Variants in PCDH15 observed in about 807,000 individuals in gnomAD.
PCDH15 encodes the protein protocadherin-15.
Under a neutral mutation model 178.5 loss-of-function variants are expected in PCDH15, and 129 were observed. The ratio of observed to expected loss-of-function variants is 0.72; its 90% CI spans 0.63 to 0.84. The LOEUF is 0.84. PCDH15 is among the 40% of genes least tolerant of loss of function. PCDH15 has a pLI of 0.00. For synonymous variants in PCDH15, 800 were observed against 732.0 expected (o/e 1.09, Z -1.50); for missense variants, 2,230 against 2,099.9 (o/e 1.06, Z -1.21).
chr10:55,609,935 T>C (rs1024655553), intron 2 of PCDH15, among the ~76,000 whole-genome samples: 1 of 152,126 alleles, frequency 6.6e-6, no homozygotes, highest in Non-Finnish European at 1.5e-5. Context: ...ACTGTCATAA[T>C]AAGGAGCAAA....
At chr10:55,123,977 A>G (rs1470694523) in intron 2 of PCDH15, among the ~76,000 whole-genome samples, 4 of 152,126 alleles carry the variant, frequency 2.6e-5, no homozygotes, top group African/African-American at 4.8e-5. Flanking sequence ...CAGAACTGGT[A>G]ACCATAGCAG....
rs115661366 is a variant in PCDH15, at chr10:54,110,597, G to A, written c.1918-20534C>T. ...TCTAACCATTTATTTATCAAAATCC[G>A]AATGAACTACCTTTATTTTGGAGGA... On this transcript the variant is annotated intron_variant, in intron 15 of 37. Coordinates refer to ENST00000644397, the MANE Select transcript of PCDH15 (RefSeq NM_001384140.1). 8.4e-3 allele frequency among the ~76,000 whole-genome samples: 1,279 copies of A among 152,144 alleles called. 10 individuals carry two copies. Among genetic ancestry groups the A allele is most frequent in the African/African-American group, 0.029 (1,203 of 41,518 alleles).
intron 2 of PCDH15, among the ~76,000 whole-genome samples, chr10:54,932,765 G>T (rs2131854736): frequency 6.6e-6 from 1 of 152,158 alleles, no homozygotes; most frequent in South Asian, 2.1e-4. Context: ...TCAAACCCCT[G>T]ACTGCAGATG....
chr10:54,966,684 T>A (rs1018907778), intron 2 of PCDH15, among the ~76,000 whole-genome samples: 1 of 152,100 alleles, frequency 6.6e-6, no homozygotes, highest in African/African-American at 2.4e-5. Context: ...GTTCTCATGG[T>A]AGTGAATAAG....
In PCDH15 at chr10:55,584,500, TACACAA is replaced by T. The variant is rs1460894698; in HGVS notation, c.-156+43119_-156+43124del. ...GGTGAAACCCCTTGTCTACTAAGAA[TACACAA>T]ATTAGCTAGGCGTGGTGGTGGGTGC... is the stretch of plus-strand genomic sequence containing the variant. On this transcript the variant is annotated intron_variant, in intron 2 of 5. Transcript: ENST00000613346. Among the ~76,000 whole-genome samples the T allele has an allele frequency of 1.5e-4, 22 of 151,562 alleles. 1 individual carries two copies. The highest frequency in any genetic ancestry group is 5.1e-4 in the African/African-American group (21 of 41,350).
intron 8 of PCDH15, among the ~76,000 whole-genome samples, chr10:54,241,252 T>G (rs896902029): frequency 3.3e-5 from 5 of 152,210 alleles, no homozygotes; most frequent in African/African-American, 1.2e-4. Flanking sequence ...TTGCTTATTC[T>G]CTGTCGTCCT....
chr10:55,068,951 G>A (rs1841642084), intron 2 of PCDH15, among the ~76,000 whole-genome samples: 1 of 152,052 alleles, frequency 6.6e-6, no homozygotes, highest in Admixed American at 6.6e-5. Flanking sequence ...AGGCTAGAGT[G>A]CAGTGGTGCA....
chr10:54,299,112 C>T (rs1284682728), intron 8 of PCDH15, among the ~76,000 whole-genome samples: 1 of 151,882 alleles, frequency 6.6e-6, no homozygotes, highest in Non-Finnish European at 1.5e-5. Context: ...GCATAAGCTG[C>T]TGACAGAGGC....
chr10:54,700,324 A>G (rs962666652), intron 1 of PCDH15, among the ~76,000 whole-genome samples: 8 of 152,100 alleles, frequency 5.3e-5, no homozygotes, highest in Non-Finnish European at 1.2e-4. Flanking sequence ...CATCCTCCAG[A>G]TGATCATGCT....
At chr10:54,354,529 T>C (rs373296392) in intron 5 of PCDH15, among the ~76,000 whole-genome samples, 1 of 152,334 alleles carries the variant, frequency 6.6e-6, no homozygotes. Context: ...GTCTTACTTC[T>C]TTCTTTAACT....
chr10:54,857,670 G>A (rs1195676339), intron 3 of PCDH15, among the ~76,000 whole-genome samples: 2 of 148,438 alleles, frequency 1.3e-5, no homozygotes, highest in Non-Finnish European at 3.0e-5. Flanking sequence ...CAGGATAGTT[G>A]CAAACTTCTG....
intron 2 of PCDH15, among the ~76,000 whole-genome samples, chr10:55,548,512 A>G (rs1841939083): frequency 6.6e-6 from 1 of 152,158 alleles, no homozygotes; most frequent in South Asian, 2.1e-4. Flanking sequence ...TAGATAATCC[A>G]CAAATAATGG....
At chr10:54,342,087 C>A (rs1010996731) in intron 6 of PCDH15, among the ~76,000 whole-genome samples, 4 of 152,116 alleles carry the variant, frequency 2.6e-5, no homozygotes, top group African/African-American at 9.7e-5. Context: ...AAAGAAAATC[C>A]CATTTTCTGG....
chr10:54,346,401 C>T lies in PCDH15; in HGVS notation c.558G>A (p.Gln186=). The part of the protein sequence containing the change: ...ATDIDDGPNG[Q]IEYVIQYNPD... The stretch of plus-strand genomic sequence containing the variant: ...GATTATACTGAATAACATACTCTAT[C>T]TGTCCATTTGGTCCATCATCTATAT... The change falls in exon 6 of 38, where the codon CAG becomes CAA. Residue 186 remains glutamine (Q), a synonymous_variant. Transcript: ENST00000644397. 6.2e-7 allele frequency: 1 copy of T among 1,613,532 alleles called. No individual in the cohort carries two copies. Among genetic ancestry groups the T allele is most frequent in the Non-Finnish European group, 8.5e-7 (1 of 1,179,538 alleles).
intron 1 of PCDH15, among the ~76,000 whole-genome samples, chr10:54,689,053 T>A (rs2095066666): frequency 6.6e-6 from 1 of 152,116 alleles, no homozygotes; most frequent in Non-Finnish European, 1.5e-5. Flanking sequence ...AAATTGGGTA[T>A]CTGCTTTCTC....
chr10:54,705,299 T>C (rs562586421), intron 1 of PCDH15, among the ~76,000 whole-genome samples: 2 of 151,940 alleles, frequency 1.3e-5, no homozygotes, highest in African/African-American at 4.8e-5. Context: ...CATGTGTACC[T>C]ATGAACCTAA....
At chr10:53,952,146 C>T (rs1160536837) in intron 23 of PCDH15, among the ~76,000 whole-genome samples, 1 of 152,196 alleles carries the variant, frequency 6.6e-6, no homozygotes. Flanking sequence ...TCTCTTCTCT[C>T]CTTCTCATTG....
At chr10:55,018,314 A>G (rs1402963807) in intron 2 of PCDH15, among the ~76,000 whole-genome samples, 1 of 152,062 alleles carries the variant, frequency 6.6e-6, no homozygotes, top group East Asian at 1.9e-4. Flanking sequence ...ACCAAAATTC[A>G]TAGATGCTCG....
chr10:54,600,205 C>A, intron 2 of PCDH15: 1 of 615,982 alleles, frequency 1.6e-6, no homozygotes. Context: ...GGTAAAGGTG[C>A]ACTTGGAGAA....
Sources: allele counts gnomAD v4.1 joint callset (sites outside exome capture counted in the v4.1 genomes callset), GRCh38; gene constraint gnomAD v4.1.1; transcripts MANE v1.5; gene names NCBI Gene and HGNC (gene_info 2026-07-23, HGNC 2026-07-21).